CACNG3: variants seen among roughly 807,000 people sequenced by gnomAD.
CACNG3 encodes voltage-dependent calcium channel gamma-3 subunit.
In CACNG3, 3 loss-of-function variants were observed where a neutral mutation model predicts 28.5. The observed-to-expected ratio is 0.11, with a 90% CI of 0.05 to 0.27. CACNG3 has a LOEUF of 0.27. CACNG3 is among the 10% of genes least tolerant of loss of function. CACNG3 has a pLI of 1.00. For missense variants in CACNG3, 236 were observed against 414.4 expected (o/e 0.57, Z 3.74); for synonymous variants, 174 against 162.2 (o/e 1.07, Z -0.55).
At chr16:24,292,687 T>C (rs748795468) in intron 1 of CACNG3, among the ~76,000 whole-genome samples, 1 of 152,206 alleles carries the variant, frequency 6.6e-6, no homozygotes, top group Non-Finnish European at 1.5e-5. Context: ...TATATTCAGT[T>C]TCTGTCTTCC....
At chr16:24,299,034 T>C (rs940695389) in intron 1 of CACNG3, among the ~76,000 whole-genome samples, 3 of 152,194 alleles carry the variant, frequency 2.0e-5, no homozygotes, top group Admixed American at 1.3e-4. Context: ...GTCTCGCCCC[T>C]GTAGAGTTAC....
intron 1 of CACNG3, among the ~76,000 whole-genome samples, chr16:24,319,617 A>T (rs1026750624): frequency 9.5e-4 from 20 of 21,032 alleles, no homozygotes; most frequent in South Asian, 2.2e-3. Context: ...TATTTATTTA[A>T]TTTATTTATT....
intron 1 of CACNG3, among the ~76,000 whole-genome samples, chr16:24,257,497 G>A (rs1277840953): frequency 2.6e-5 from 4 of 151,126 alleles, no homozygotes; most frequent in African/African-American, 4.9e-5. Flanking sequence ...AGTTTCTCCT[G>A]AGTTTGCTCT....
intron 1 of CACNG3, among the ~76,000 whole-genome samples, chr16:24,326,719 A>C (rs1018328947): frequency 6.6e-6 from 1 of 152,116 alleles, no homozygotes; most frequent in Non-Finnish European, 1.5e-5. Flanking sequence ...CCCTATGCTC[A>C]CCTCACTCTC....
At chr16:24,258,790 T>C (rs910796704) in intron 1 of CACNG3, among the ~76,000 whole-genome samples, 1 of 152,226 alleles carries the variant, frequency 6.6e-6, no homozygotes, top group Non-Finnish European at 1.5e-5. Flanking sequence ...CACATATGTA[T>C]ACAGTGCTTT....
At chr16:24,286,058 G>C (rs941875997) in intron 1 of CACNG3, among the ~76,000 whole-genome samples, 3 of 152,012 alleles carry the variant, frequency 2.0e-5, no homozygotes, top group African/African-American at 7.2e-5. Flanking sequence ...TTCCCAGGCT[G>C]TTCTTGAACT....
chr16:24,354,132 C>T (rs1899996112), intron 2 of CACNG3, among the ~76,000 whole-genome samples: 1 of 152,128 alleles, frequency 6.6e-6, no homozygotes, highest in Admixed American at 6.5e-5. Flanking sequence ...GGTGAGGCTA[C>T]AGTGAGCCGT....
At chr16:24,266,969 T>TC (rs1491557000) in intron 1 of CACNG3, among the ~76,000 whole-genome samples, 1 of 123,460 alleles carries the variant, frequency 8.1e-6, no homozygotes, top group African/African-American at 3.9e-5. Flanking sequence ...TTTTAATTTC[T>TC]TTTTTTTTTT....
At position 24,346,743 on chromosome 16, in the gene CACNG3, G is replaced by T; in HGVS notation, c.221G>T (p.Arg74Leu). ...TTATCTGTTTCCACAGGGGCTTTCCGAGGCGTGTGCAAGAAAATCGATCAC... is the reference window on the plus strand; with the variant it reads ...TTATCTGTTTCCACAGGGGCTTTCCTAGGCGTGTGCAAGAAAATCGATCAC... Reference protein sequence around the residue: ...WRTCCLEGAFRGVCKKIDHFP... With the variant: ...WRTCCLEGAFLGVCKKIDHFP... The change falls in exon 2 of 4, where the codon CGA (arginine) becomes CTA (leucine). Residue 74 changes from arginine to leucine, a missense_variant. Around this residue, in one of 2 missense-constraint regions of CACNG3, gnomAD observed 120 missense variants for 263.4 expected, o/e 0.46. Transcript: ENST00000005284. The T allele has an allele frequency of 1.2e-6, 2 of 1,613,846 alleles. No individual in the cohort carries two copies. The highest frequency in any genetic ancestry group is 1.7e-6 in the Non-Finnish European group (2 of 1,179,746).
intron 1 of CACNG3, among the ~76,000 whole-genome samples, chr16:24,278,866 C>G (rs1206954477): frequency 1.3e-5 from 2 of 152,110 alleles, no homozygotes; most frequent in Non-Finnish European, 2.9e-5. Flanking sequence ...TCTTATCTAC[C>G]AAGCTGACTC....
At chr16:24,264,269 C>T (rs1898570447) in intron 1 of CACNG3, among the ~76,000 whole-genome samples, 1 of 152,226 alleles carries the variant, frequency 6.6e-6, no homozygotes, top group South Asian at 2.1e-4. Flanking sequence ...GCTCCGCTCA[C>T]CAAACCATGC....
At chr16:24,309,490 G>A (rs2141363842) in intron 1 of CACNG3, among the ~76,000 whole-genome samples, 1 of 152,296 alleles carries the variant, frequency 6.6e-6, no homozygotes, top group Admixed American at 6.5e-5. Context: ...TGACCTCCTG[G>A]CGGGCTGCCA....
At chr16:24,291,474 T>G (rs1394820749) in intron 1 of CACNG3, among the ~76,000 whole-genome samples, 1 of 151,884 alleles carries the variant, frequency 6.6e-6, no homozygotes, top group African/African-American at 2.4e-5. Flanking sequence ...AAAAATCAAG[T>G]GAGGGGTGGA....
chr16:24,344,456 T>C (rs555980479), intron 1 of CACNG3, among the ~76,000 whole-genome samples: 2 of 151,292 alleles, frequency 1.3e-5, no homozygotes, highest in Non-Finnish European at 2.9e-5. Context: ...ACCTGGTATA[T>C]AGTAGGTGCA....
intron 1 of CACNG3, among the ~76,000 whole-genome samples, chr16:24,327,443 TATATATATATATAC>T (rs1567219874): frequency 1.1e-5 from 1 of 87,956 alleles, no homozygotes; most frequent in African/African-American, 4.8e-5. Flanking sequence ...TGTGTGTATA[TATATATATATATAC>T]ACACACACAC....
At chr16:24,259,181 C>T (rs986552085) in intron 1 of CACNG3, among the ~76,000 whole-genome samples, 9 of 152,158 alleles carry the variant, frequency 5.9e-5, no homozygotes, top group African/African-American at 2.2e-4. Context: ...TTGTTGTTCA[C>T]TTTTTTGAAG....
At chr16:24,324,701 A>G (rs1039738443) in intron 1 of CACNG3, among the ~76,000 whole-genome samples, 3 of 152,086 alleles carry the variant, frequency 2.0e-5, no homozygotes, top group African/African-American at 7.2e-5. Context: ...TCAGTGGCCC[A>G]TGTGCTCTCC....
chr16:24,345,859 A>G lies in CACNG3; in HGVS notation c.212-875A>G, dbSNP rs11859084. ...GGGAGTGTCCTGTGGTCAGATATGA[A>G]CATCATTGGGGAGAGTGGACTATTC... On this transcript the variant is annotated intron_variant, in intron 1 of 3. Transcript: ENST00000005284. Among the ~76,000 whole-genome samples, 1,165 of 152,266 alleles carry G rather than the reference A, an allele frequency of 7.7e-3. 17 individuals are homozygous for G. Among genetic ancestry groups the G allele is most frequent in the African/African-American group, 0.027 (1,101 of 41,526 alleles).
chr16:24,342,800 G>A (rs995106676), intron 1 of CACNG3, among the ~76,000 whole-genome samples: 1 of 151,910 alleles, frequency 6.6e-6, no homozygotes, highest in African/African-American at 2.4e-5. Flanking sequence ...ATATTCTTTC[G>A]ATTTTTTTTT....
Sources: allele counts gnomAD v4.1 joint callset (sites outside exome capture counted in the v4.1 genomes callset), GRCh38; gene constraint gnomAD v4.1.1; regional missense constraint gnomAD v4.1.1; transcripts MANE v1.5; gene names NCBI Gene and HGNC (gene_info 2026-07-23, HGNC 2026-07-21).